DIS3L2: variants seen among roughly 807,000 people sequenced by gnomAD.
DIS3L2 encodes the protein DIS3-like exonuclease 2.
Under a neutral mutation model 97.5 loss-of-function variants are expected in DIS3L2, and 34 were observed. The observed-to-expected ratio is 0.35, with a 90% CI of 0.27 to 0.46. DIS3L2 has a LOEUF of 0.46. Ranked by LOEUF, DIS3L2 falls within the 20% of genes least tolerant of loss-of-function variation. The pLI is 1.00. For synonymous variants in DIS3L2, 435 were observed against 445.2 expected (o/e 0.98, Z 0.29); for missense variants, 1,038 against 1,146.0 (o/e 0.91, Z 1.36).
At chr2:232,147,498 G>C (rs1690251496) in intron 8 of DIS3L2, among the ~76,000 whole-genome samples, 1 of 151,858 alleles carries the variant, frequency 6.6e-6, no homozygotes, top group African/African-American at 2.4e-5. Context: ...TAGTTGTCTT[G>C]TCTCTTTAGA....
intron 1 of DIS3L2, among the ~76,000 whole-genome samples, chr2:231,967,656 A>G (rs1692761077): frequency 6.6e-6 from 1 of 152,164 alleles, no homozygotes; most frequent in African/African-American, 2.4e-5. Flanking sequence ...TTGTAAATGA[A>G]AAAAAGAATT....
intron 11 of DIS3L2, among the ~76,000 whole-genome samples, chr2:232,240,268 T>C (rs1574966003): frequency 6.6e-6 from 1 of 152,328 alleles, no homozygotes; most frequent in East Asian, 1.9e-4. Flanking sequence ...CCAGGAGACT[T>C]GTACAGCCGA....
rs116327839 is a variant in DIS3L2, at chr2:232,238,520, C to T, written c.1205-13C>T. On this transcript the variant is annotated splice_polypyrimidine_tract_variant and intron_variant, in intron 10 of 20. Coordinates refer to ENST00000325385, the MANE Select transcript of DIS3L2 (RefSeq NM_152383.5). ...TCCACGCCAGCCTGATAGTCCTTCTCGTGCATTTACAGGCAACTTCAAAGT... is the reference window on the plus strand; with the variant it reads ...TCCACGCCAGCCTGATAGTCCTTCTTGTGCATTTACAGGCAACTTCAAAGT... 563 of 1,610,068 alleles carry T rather than the reference C, an allele frequency of 3.5e-4. 1 individual carries two copies. Among genetic ancestry groups the T allele is most frequent in the Non-Finnish European group, 4.3e-4 (507 of 1,176,736 alleles).
chr2:232,182,402 G>A (rs1294293152), intron 9 of DIS3L2, among the ~76,000 whole-genome samples: 1 of 152,138 alleles, frequency 6.6e-6, no homozygotes, highest in Non-Finnish European at 1.5e-5. Flanking sequence ...GTTGTTGGAT[G>A]GAGTGAGTGT....
chr2:232,255,489 AT>A (rs954409403), intron 12 of DIS3L2, among the ~76,000 whole-genome samples: 6 of 152,028 alleles, frequency 3.9e-5, no homozygotes, highest in African/African-American at 7.2e-5. Flanking sequence ...CGCCTACTAA[AT>A]TTTTTTTTAA....
At chr2:232,234,040 G>T (rs982593108) in intron 10 of DIS3L2, among the ~76,000 whole-genome samples, 1 of 152,104 alleles carries the variant, frequency 6.6e-6, no homozygotes, top group African/African-American at 2.4e-5. Flanking sequence ...GATAGGGAGG[G>T]ATTTTGAGCT....
At position 232,269,497 on chromosome 2, in the gene DIS3L2, TAATG is replaced by T. The variant is rs1326803286; in HGVS notation, c.1659+6059_1659+6062del. Among the ~76,000 whole-genome samples the T allele has an allele frequency of 2.6e-5, 4 of 152,088 alleles. No individual in the cohort carries two copies. The highest frequency in any genetic ancestry group is 4.8e-5 in the African/African-American group (2 of 41,394). On this transcript the variant is annotated intron_variant, in intron 13 of 20. Coordinates refer to ENST00000325385, the MANE Select transcript of DIS3L2 (RefSeq NM_152383.5). The surrounding 1 kb of genome is among the most constrained non-coding windows in gnomAD (Gnocchi z 4.5). ...CTTTTCTATAAATAATATAGGAAAA[TAATG>T]AGAGAGCCAGCAGGCCACACAGAAA...
chr2:231,961,847 G>A (rs1381725687), intron 1 of DIS3L2, 82 bp downstream of exon 1: 1 of 152,442 alleles, frequency 6.6e-6, no homozygotes, highest in African/African-American at 2.4e-5. Flanking sequence ...TGGCCTCTGG[G>A]GGGCTCCGCG....
chr2:232,270,864 CTCTCTCTCT>C (rs1693975642), intron 13 of DIS3L2, among the ~76,000 whole-genome samples: 1 of 20,768 alleles, frequency 4.8e-5, no homozygotes, highest in Admixed American at 3.5e-4. Context: ...TTTCTCGTCT[CTCTCTCTCT>C]CTCTCTCTCT....
chr2:231,990,611 T>A (rs1693557697), intron 1 of DIS3L2, among the ~76,000 whole-genome samples: 1 of 152,214 alleles, frequency 6.6e-6, no homozygotes, highest in African/African-American at 2.4e-5. Context: ...TATAACATTT[T>A]TGGGCCTTAT....
At chr2:232,210,989 C>G (rs1227413388) in intron 10 of DIS3L2, among the ~76,000 whole-genome samples, 1 of 151,558 alleles carries the variant, frequency 6.6e-6, no homozygotes, top group Non-Finnish European at 1.5e-5. Flanking sequence ...TGTTACTGAG[C>G]AGGTAAAAGT....
At chr2:232,275,295 C>T (rs1694112602) in intron 13 of DIS3L2, among the ~76,000 whole-genome samples, 1 of 152,184 alleles carries the variant, frequency 6.6e-6, no homozygotes, top group Admixed American at 6.5e-5. Context: ...TGCCTGCATT[C>T]TTGACTATAA....
intron 5 of DIS3L2, among the ~76,000 whole-genome samples, chr2:232,058,338 T>G (rs899266059): frequency 6.6e-6 from 1 of 152,316 alleles, no homozygotes; most frequent in East Asian, 1.9e-4. Flanking sequence ...CTGTGCCCAT[T>G]TCCTCTTATC....
intron 10 of DIS3L2, among the ~76,000 whole-genome samples, chr2:232,214,037 C>T (rs1692267747): frequency 6.6e-6 from 1 of 152,206 alleles, no homozygotes; most frequent in Admixed American, 6.5e-5. Flanking sequence ...CTCCCATGAG[C>T]ATTACCCAGC....
intron 12 of DIS3L2, among the ~76,000 whole-genome samples, chr2:232,257,222 G>A (rs1693590170): frequency 6.6e-6 from 1 of 152,178 alleles, no homozygotes; most frequent in Non-Finnish European, 1.5e-5. Context: ...GCCCTAGTGT[G>A]AGGACTGGGG....
Position 232,333,202 on chromosome 2 carries a change from C to CGCTG in DIS3L2, c.2011-638_2011-637insGCTG, listed in dbSNP as rs1285570276. Among the ~76,000 whole-genome samples, 42 of 81,628 alleles carry CGCTG rather than the reference C, an allele frequency of 5.1e-4. 1 individual carries two copies. Among genetic ancestry groups the CGCTG allele is most frequent in the Middle Eastern group, 5.2e-3 (1 of 194 alleles). 53.6% of individuals were successfully genotyped at this position (81,628 alleles called of 152,430 possible). ...CCTCCTCCTCCTCCTCCTCCTCCTC[C>CGCTG]TCCTCCTCCTCCTCCTCCGCTGTCG... is the stretch of plus-strand genomic sequence containing the variant. On this transcript the variant is annotated intron_variant, in intron 16 of 20. Coordinates refer to ENST00000325385, the MANE Select transcript of DIS3L2 (RefSeq NM_152383.5).
At chr2:232,302,858 C>T (rs1373031213) in intron 14 of DIS3L2, among the ~76,000 whole-genome samples, 1 of 151,762 alleles carries the variant, frequency 6.6e-6, no homozygotes, top group African/African-American at 2.4e-5. Flanking sequence ...CCACGCCCGG[C>T]CTGAGCCTCT....
At position 232,163,453 on chromosome 2, in the gene DIS3L2, C is replaced by G. The variant is rs1322713450; in HGVS notation, c.951-6C>G. The G allele has an allele frequency of 5.6e-6, 9 of 1,613,052 alleles. No homozygotes were observed. The highest frequency in any genetic ancestry group is 6.8e-6 in the Non-Finnish European group (8 of 1,179,574). On this transcript the variant is annotated splice_region_variant and splice_polypyrimidine_tract_variant and intron_variant, in intron 8 of 20. Transcript: ENST00000325385. ...CCCAGTTATTCCGTTTCTGTTCTAT[C>G]CATAGGCAGCTGGCTAAGAGTCTTG...
chr2:232,171,554 A>G (rs1690991839), intron 9 of DIS3L2, among the ~76,000 whole-genome samples: 1 of 152,204 alleles, frequency 6.6e-6, no homozygotes, highest in South Asian at 2.1e-4. Context: ...ATTACGCAGG[A>G]AATTCAAGGG....
Sources: allele counts gnomAD v4.1 joint callset (sites outside exome capture counted in the v4.1 genomes callset), GRCh38; gene constraint gnomAD v4.1.1; non-coding constraint Gnocchi (gnomAD v3.1); transcripts MANE v1.5; gene names NCBI Gene and HGNC (gene_info 2026-07-23, HGNC 2026-07-21).